The following CCDC7 variants were observed in gnomAD, a reference collection of about 807,000 sequenced individuals.
The protein encoded by CCDC7 is coiled-coil domain-containing protein 7.
Under a neutral mutation model 196.9 loss-of-function variants are expected in CCDC7, and 183 were observed. That is an observed-to-expected ratio of 0.93 (90% CI 0.82 to 1.05). The LOEUF is 1.05. Ranked by LOEUF, CCDC7 falls within the 50% of genes least tolerant of loss-of-function variation. The pLI, the probability that CCDC7 is intolerant of heterozygous loss-of-function variation, is 0.00. For missense variants in CCDC7, 1,540 were observed against 1,482.2 expected (o/e 1.04, Z -0.64); for synonymous variants, 525 against 484.6 (o/e 1.08, Z -1.10).
At chr10:32,531,019 G>A (rs760641505) in intron 11 of CCDC7, among the ~76,000 whole-genome samples, 42 of 152,026 alleles carry the variant, frequency 2.8e-4, no homozygotes, top group Admixed American at 4.6e-4. Context: ...AATAAACATG[G>A]TTTTTCTTCC....
intron 29 of CCDC7, among the ~76,000 whole-genome samples, chr10:32,783,087 A>T (rs1485809401): frequency 6.6e-6 from 1 of 152,226 alleles, no homozygotes; most frequent in African/African-American, 2.4e-5. Flanking sequence ...AAAAGCCTTC[A>T]TGACATTGAA....
Position 32,459,343 on chromosome 10 carries a change from G to T in CCDC7, c.456+3009G>T, listed in dbSNP as rs141934373. ...TGAACCTCTAGAGAGCTCAAAAGTG[G>T]GAACCTCTAGAGAGCTCAAAAGTGG... On this transcript the variant is annotated intron_variant, in intron 3 of 41. Transcript: ENST00000639629. 5.9e-3 allele frequency among the ~76,000 whole-genome samples: 899 copies of T among 151,390 alleles called. 9 individuals carry two copies. Among genetic ancestry groups the T allele is most frequent in the African/African-American group, 0.021 (854 of 40,982 alleles).
At chr10:32,492,173 T>G (rs1193657826) in intron 9 of CCDC7, among the ~76,000 whole-genome samples, 176 bp downstream of exon 10, 2 of 152,170 alleles carry the variant, frequency 1.3e-5, no homozygotes, top group Non-Finnish European at 2.9e-5. Flanking sequence ...TAGAATTTCT[T>G]ATATCAATTT....
At chr10:32,745,488 A>T (rs1368536493) in intron 28 of CCDC7, among the ~76,000 whole-genome samples, 1 of 152,178 alleles carries the variant, frequency 6.6e-6, no homozygotes, top group African/African-American at 2.4e-5. Context: ...GAAAGATGGG[A>T]GGAGTTGTCA....
At chr10:32,743,960 G>A (rs2074247755) in intron 28 of CCDC7, among the ~76,000 whole-genome samples, 1 of 141,268 alleles carries the variant, frequency 7.1e-6, no homozygotes, top group Admixed American at 7.4e-5. Flanking sequence ...GACACAGGAA[G>A]GGGAACATCA....
At chr10:32,659,360 A>G (rs1018178792) in intron 20 of CCDC7, among the ~76,000 whole-genome samples, 1 of 152,110 alleles carries the variant, frequency 6.6e-6, no homozygotes. Context: ...CCTGTGATTG[A>G]TTTCTAGTTT....
At chr10:32,726,428 T>C (rs1476373027) in intron 25 of CCDC7, among the ~76,000 whole-genome samples, 1 of 152,028 alleles carries the variant, frequency 6.6e-6, no homozygotes, top group Non-Finnish European at 1.5e-5. Context: ...ATTTTTATTG[T>C]TTGGTCTATT....
chr10:32,505,595 A>G (rs1461966962), intron 9 of CCDC7, among the ~76,000 whole-genome samples: 1 of 151,916 alleles, frequency 6.6e-6, no homozygotes, highest in African/African-American at 2.4e-5. Context: ...ACACAGACAC[A>G]GTAACAATCT....
At position 32,474,014 on chromosome 10, in the gene CCDC7, A is replaced by G. The variant is rs140485770; in HGVS notation, c.787A>G (p.Thr263Ala). ...TGATGAATTTAAAGATGTTTCTGCA[A>G]CAGAACCACGTAAGTTTCCACTCAT... The change falls in exon 8 of 42, where the codon ACA becomes GCA. Residue 263 changes from threonine to alanine, a missense_variant. Thr to Ala is a moderately conservative substitution (Grantham distance 58). Coordinates refer to ENST00000639629, the Ensembl canonical transcript of CCDC7. 108 of 1,611,436 alleles carry G rather than the reference A, an allele frequency of 6.7e-5. No individual in the cohort carries two copies. The highest frequency in any genetic ancestry group is 5.7e-5 in the Non-Finnish European group (67 of 1,179,032).
chr10:32,588,715 A>T (rs2059520252), intron 18 of CCDC7, among the ~76,000 whole-genome samples: 1 of 151,996 alleles, frequency 6.6e-6, no homozygotes, highest in Non-Finnish European at 1.5e-5. Context: ...GAGTGTGAGG[A>T]GAATTGGTGT....
rs1188039263 is a variant in CCDC7, at chr10:32,678,944, G to C, written c.2123-7026G>C. 4.6e-5 allele frequency among the ~76,000 whole-genome samples: 7 copies of C among 152,158 alleles called. No individual in the cohort carries two copies. In the East Asian group the frequency reaches 9.7e-4, roughly 21 times the overall value. ...GTCTTCATTTTTGTGGAAGAAAGAG[G>C]GCTGGGCCTCCTATTCCATGATCTT... On this transcript the variant is annotated intron_variant, in intron 21 of 41. Transcript: ENST00000639629.
At chr10:32,724,255 C>G (rs552262944) in intron 25 of CCDC7, among the ~76,000 whole-genome samples, 2 of 152,100 alleles carry the variant, frequency 1.3e-5, no homozygotes, top group African/African-American at 4.8e-5. Flanking sequence ...CGTGAGTGTC[C>G]CATGCATTTC....
chr10:32,531,536 G>T (rs964244637), intron 11 of CCDC7, among the ~76,000 whole-genome samples: 5 of 152,076 alleles, frequency 3.3e-5, no homozygotes, highest in African/African-American at 1.2e-4. Flanking sequence ...CTGTGTCTCT[G>T]TCTGGTTTTG....
chr10:32,537,152 C>T (rs1050938019), intron 11 of CCDC7, among the ~76,000 whole-genome samples: 1 of 152,166 alleles, frequency 6.6e-6, no homozygotes, highest in African/African-American at 2.4e-5. Context: ...TCCTCAACCT[C>T]ACTGGCATCT....
At chr10:32,778,929 A>G (rs1404196626) in intron 28 of CCDC7, 48 bp from the exon 30 acceptor site, 3 of 1,400,448 alleles carry the variant, frequency 2.1e-6, no homozygotes, top group Non-Finnish European at 3.0e-6. Context: ...GTTTCACAAA[A>G]TGTTAGTTTT....
At chr10:32,777,966 T>A (rs996005904) in intron 28 of CCDC7, among the ~76,000 whole-genome samples, 6 of 152,272 alleles carry the variant, frequency 3.9e-5, no homozygotes, top group Non-Finnish European at 8.8e-5. Context: ...TTTTTTCATA[T>A]GTTTCTTGGC....
intron 13 of CCDC7, among the ~76,000 whole-genome samples, chr10:32,555,038 TG>T (rs2054123689): frequency 6.6e-6 from 1 of 152,360 alleles, no homozygotes; most frequent in South Asian, 2.1e-4. Context: ...TCTTTTTGTA[TG>T]GCTGAATAGT....
rs146205894 is a variant in CCDC7 at position 32,490,904 on chromosome 10, C to T, written c.797-1018C>T. On this transcript the variant is annotated intron_variant, in intron 8 of 41. Coordinates refer to ENST00000639629, the Ensembl canonical transcript of CCDC7. ...CAAAAAATTATAAATTTAATTCTTA[C>T]GAAGCTGGCTTCTCCCAGTATCCTA... is the stretch of plus-strand genomic sequence containing the variant. Among the ~76,000 whole-genome samples, 1,116 of 152,216 alleles carry T rather than the reference C, an allele frequency of 7.3e-3. 14 individuals carry two copies. Among genetic ancestry groups the T allele is most frequent in the African/African-American group, 0.025 (1,056 of 41,540 alleles).
intron 18 of CCDC7, among the ~76,000 whole-genome samples, chr10:32,608,056 C>T (rs2061710980): frequency 6.6e-6 from 1 of 151,978 alleles, no homozygotes; most frequent in African/African-American, 2.4e-5. Context: ...TGTGTCCAGG[C>T]ATTTATTCAT....
Sources: gnomAD v4.1 joint callset for allele counts (sites outside exome capture counted in the v4.1 genomes callset) on GRCh38, gnomAD v4.1.1 for gene constraint, MANE v1.5 for transcripts, NCBI Gene and HGNC (gene_info 2026-07-23, HGNC 2026-07-21) for gene names.